COL22A1: variants seen among roughly 807,000 people sequenced by gnomAD.
The protein encoded by COL22A1 is collagen type XXII alpha 1 chain.
Under a neutral mutation model 248.9 loss-of-function variants are expected in COL22A1, and 221 were observed. The ratio of observed to expected loss-of-function variants is 0.89; its 90% CI spans 0.80 to 0.99. COL22A1 has a LOEUF of 0.99. Among genes scored for constraint, COL22A1 ranks in the 50% least tolerant of loss-of-function variants. The probability of loss-of-function intolerance (pLI) is 0.00; values close to 1 mark genes in which losing one functional copy is unlikely to be tolerated. For missense variants in COL22A1, 2,240 were observed against 2,179.0 expected (o/e 1.03, Z -0.56); for synonymous variants, 891 against 793.4 (o/e 1.12, Z -2.07).
intron 3 of COL22A1, among the ~76,000 whole-genome samples, chr8:138,859,187 C>T (rs541490817): frequency 5.9e-5 from 9 of 152,236 alleles, no homozygotes; most frequent in Non-Finnish European, 8.8e-5. Flanking sequence ...CATTAGCACA[C>T]AGCCTGGGCA....
At chr8:138,602,047 C>G in intron 60 of COL22A1, 68 bp downstream of exon 60, 2 of 1,561,612 alleles carry the variant, frequency 1.3e-6, no homozygotes, top group South Asian at 2.2e-5. Flanking sequence ...AGGCCAGGCT[C>G]AACATCCTGT....
intron 53 of COL22A1, among the ~76,000 whole-genome samples, chr8:138,619,140 G>C (rs917271293): frequency 5.3e-5 from 8 of 152,138 alleles, no homozygotes. Flanking sequence ...GCTATGGAAA[G>C]TGTTCAAAAC....
intron 6 of COL22A1, among the ~76,000 whole-genome samples, chr8:138,822,157 C>T (rs184189451): frequency 7.1e-4 from 108 of 152,252 alleles, no homozygotes; most frequent in Non-Finnish European, 1.3e-3. Flanking sequence ...CAATTCTCTT[C>T]TCCCGCCTTA....
rs539534879 is a variant in COL22A1 at position 138,805,790 on chromosome 8, G to A, written c.1494+1978C>T. On this transcript the variant is annotated intron_variant, in intron 10 of 64. Transcript: ENST00000303045. ...TATGTGATAGTGTAGGTGATGGTGC[G>A]TGATGGTGTGTGTCTGTATGTGTGA... is the stretch of plus-strand genomic sequence containing the variant. Among the ~76,000 whole-genome samples, 413 of 129,974 alleles carry A rather than the reference G, an allele frequency of 3.2e-3. 1 individual carries two copies. Among genetic ancestry groups the A allele is most frequent in the Admixed American group, 9.4e-3 (125 of 13,258 alleles). 85.3% of individuals were successfully genotyped at this position (129,974 alleles called of 152,430 possible). A position where few individuals can be genotyped will look rare whatever the true frequency, so the allele number is the denominator to read the frequency against.
intron 58 of COL22A1, among the ~76,000 whole-genome samples, chr8:138,606,067 T>G (rs763091880): frequency 6.6e-6 from 1 of 152,186 alleles, no homozygotes; most frequent in African/African-American, 2.4e-5. Context: ...TTTATATGAA[T>G]GATTTCATTT....
intron 16 of COL22A1, among the ~76,000 whole-genome samples, chr8:138,767,384 C>G (rs1833990190): frequency 6.6e-6 from 1 of 152,130 alleles, no homozygotes; most frequent in African/African-American, 2.4e-5. Flanking sequence ...AAGGAGTAGC[C>G]AGACCTGGAT....
chr8:138,660,819 TACACACACATACACACACAGACACAC>T (rs1823773288), intron 43 of COL22A1, among the ~76,000 whole-genome samples: 4 of 133,590 alleles, frequency 3.0e-5, no homozygotes, highest in East Asian at 2.1e-4. Flanking sequence ...CATACACACA[TACACACACATACACACACAGACACAC>T]ACACACATAC....
rs562008054 is a variant in COL22A1 at position 138,616,978 on chromosome 8, G to C, written c.3826-20C>G. ...GAAGCCCTAGAAGGAAGAGAATGGA[G>C]TTATTCCATGATAGAGCAGGCTCTT... is the stretch of plus-strand genomic sequence containing the variant. On this transcript the variant is annotated intron_variant, in intron 53 of 64. Transcript: ENST00000303045. 1.2e-6 allele frequency: 2 copies of C among 1,613,992 alleles called. No individual in the cohort carries two copies. The highest frequency in any genetic ancestry group is 1.7e-6 in the Non-Finnish European group (2 of 1,179,976).
chr8:138,819,774 A>G (rs76223625), intron 7 of COL22A1, among the ~76,000 whole-genome samples: 468 of 150,792 alleles, frequency 3.1e-3, no homozygotes, highest in African/African-American at 0.011. Context: ...ACACACACAT[A>G]CATACACACA....
At chr8:138,765,780 CAGAG>C (rs1345249588) in intron 16 of COL22A1, among the ~76,000 whole-genome samples, 5 of 152,168 alleles carry the variant, frequency 3.3e-5, no homozygotes, top group Non-Finnish European at 4.4e-5. Context: ...TCCTTGTGCC[CAGAG>C]AGAGAAAGAG....
intron 16 of COL22A1, among the ~76,000 whole-genome samples, chr8:138,772,028 C>T (rs1488243504): frequency 1.3e-5 from 2 of 152,172 alleles, no homozygotes; most frequent in Non-Finnish European, 2.9e-5. Flanking sequence ...GTGAGGTGGT[C>T]CAGGCAGCTT....
At chr8:138,864,705 G>T in intron 3 of COL22A1, among the ~76,000 whole-genome samples, 1 of 152,188 alleles carries the variant, frequency 6.6e-6, no homozygotes, top group East Asian at 1.9e-4. Flanking sequence ...ATCTGGCCCA[G>T]AACTCTCAGC....
intron 31 of COL22A1, among the ~76,000 whole-genome samples, chr8:138,702,554 TC>T (rs1828051149): frequency 6.6e-6 from 1 of 151,306 alleles, no homozygotes; most frequent in Non-Finnish European, 1.5e-5. Flanking sequence ...TGTGCAAACT[TC>T]CCTGAAATCA....
intron 7 of COL22A1, among the ~76,000 whole-genome samples, chr8:138,814,421 G>A (rs1258360210): frequency 6.6e-6 from 1 of 151,972 alleles, no homozygotes; most frequent in African/African-American, 2.4e-5. Flanking sequence ...TCTTCAGTGT[G>A]TTCTTCTCTC....
Position 138,725,404 on chromosome 8 carries a change from CA to C in COL22A1, c.2175del (p.Gly726AspfsTer89). On this transcript the variant is annotated frameshift_variant, in exon 24 of 65. Transcript: ENST00000303045. LOFTEE classifies it high-confidence loss of function. ...AGTCTTACCGGAGAACCTCCCGGTC[CA>C]GGGGGGCCTGGGACACCAGGGGGTC... ...PPGPPGVPGP[P>X]GPGGSPGLPG... The C allele has an allele frequency of 1.2e-6, 2 of 1,614,068 alleles. No homozygotes were observed. Among genetic ancestry groups the C allele is most frequent in the South Asian group, 1.1e-5 (1 of 91,072 alleles).
intron 43 of COL22A1, among the ~76,000 whole-genome samples, chr8:138,661,452 G>C (rs1823949627): frequency 6.6e-6 from 1 of 152,182 alleles, no homozygotes; most frequent in Non-Finnish European, 1.5e-5. Flanking sequence ...AATGAGTATG[G>C]ATCAAGTACC....
At chr8:138,804,541 G>A (rs1016209934) in intron 10 of COL22A1, among the ~76,000 whole-genome samples, 1 of 152,150 alleles carries the variant, frequency 6.6e-6, no homozygotes, top group Non-Finnish European at 1.5e-5. Flanking sequence ...CTTTCCTCCC[G>A]TCACAGCCGA....
chr8:138,647,600 C>G (rs1822319600), intron 46 of COL22A1, among the ~76,000 whole-genome samples: 1 of 152,042 alleles, frequency 6.6e-6, no homozygotes, highest in Non-Finnish European at 1.5e-5. Flanking sequence ...CTTTCATAAC[C>G]ATTTTCTTAT....
chr8:138,660,589 GA>G (rs1281415182), intron 43 of COL22A1, 109 bp from the exon 44 acceptor site: 19 of 947,734 alleles, frequency 2.0e-5, no homozygotes, highest in Admixed American at 4.3e-5. Flanking sequence ...ACTCAGTGGG[GA>G]AAAAAAATCA....
Sources: gnomAD v4.1 joint callset for allele counts (sites outside exome capture counted in the v4.1 genomes callset) on GRCh38, gnomAD v4.1.1 for gene constraint, MANE v1.5 for transcripts, NCBI Gene and HGNC (gene_info 2026-07-23, HGNC 2026-07-21) for gene names.